The following ABRACL variants were observed in gnomAD, a reference collection of about 807,000 sequenced individuals.
ABRACL encodes the protein costars family protein ABRACL.
ABRACL carries 4 observed loss-of-function variants against 7.0 expected under a neutral mutation model. The ratio of observed to expected loss-of-function variants is 0.57; its 90% CI spans 0.28 to 1.30. The LOEUF is 1.30. Ranked by LOEUF, ABRACL falls within the 50% of genes most tolerant of loss-of-function variation. The pLI is 0.10. For missense variants in ABRACL, 104 were observed against 97.3 expected (o/e 1.07, Z -0.29); for synonymous variants, 30 against 36.0 (o/e 0.83, Z 0.60).
At chr6:139,031,326 G>A (rs938065930) in intron 1 of ABRACL, among the ~76,000 whole-genome samples, 1 of 152,082 alleles carries the variant, frequency 6.6e-6, no homozygotes, top group South Asian at 2.1e-4. Context: ...TCTCAAATCT[G>A]CCTTTCTATT....
chr6:139,029,477 C>T (rs577555512), intron 1 of ABRACL, among the ~76,000 whole-genome samples: 1 of 151,964 alleles, frequency 6.6e-6, no homozygotes, highest in Non-Finnish European at 1.5e-5. Context: ...ACCCGCGGCG[C>T]CGGGCCGGGA....
At chr6:139,033,234 G>T (rs1786107478) in intron 1 of ABRACL, among the ~76,000 whole-genome samples, 1 of 152,228 alleles carries the variant, frequency 6.6e-6, no homozygotes, top group Non-Finnish European at 1.5e-5. Context: ...GGTGGAAGAG[G>T]CTGGAACAGT....
At chr6:139,041,430 T>C (rs986174602) in intron 2 of ABRACL, among the ~76,000 whole-genome samples, 10 of 43,690 alleles carry the variant, frequency 2.3e-4, no homozygotes, top group Non-Finnish European at 4.6e-4. Context: ...GACCCATCTC[T>C]CTCTCTCTCT....
At chr6:139,039,931 A>G (rs1786219635) in intron 2 of ABRACL, among the ~76,000 whole-genome samples, 1 of 152,076 alleles carries the variant, frequency 6.6e-6, no homozygotes, top group Non-Finnish European at 1.5e-5. Context: ...TTTATTAAAA[A>G]TAAAGATAAA....
chr6:139,032,087 A>C (rs1786089924), intron 1 of ABRACL, among the ~76,000 whole-genome samples: 1 of 151,608 alleles, frequency 6.6e-6, no homozygotes, highest in South Asian at 2.1e-4. Context: ...CAGCCTCCCG[A>C]GTAGCTGGGA....
intron 1 of ABRACL, among the ~76,000 whole-genome samples, chr6:139,033,682 C>T (rs1487488273): frequency 6.6e-6 from 1 of 152,204 alleles, no homozygotes; most frequent in East Asian, 1.9e-4. Context: ...CTGCTTCCTC[C>T]TTTGTGCTTC....
Position 139,042,908 on chromosome 6 carries a change from G to A in ABRACL, c.*5G>A. 2 of 1,597,656 alleles carry A rather than the reference G, an allele frequency of 1.3e-6. No individual in the cohort carries two copies. Among genetic ancestry groups the A allele is most frequent in the Non-Finnish European group, 1.7e-6 (2 of 1,172,196 alleles). On this transcript the variant is annotated 3_prime_UTR_variant, in exon 3 of 3. Coordinates refer to ENST00000367660, the MANE Select transcript of ABRACL (RefSeq NM_021243.3). ...ATTATATTACTGCAAGATTAATGTG[G>A]TTTACATATCTTTATGTACTGCCAT...
At chr6:139,035,798 T>G (rs968920610) in intron 2 of ABRACL, among the ~76,000 whole-genome samples, 1 of 150,638 alleles carries the variant, frequency 6.6e-6, no homozygotes, top group Non-Finnish European at 1.5e-5. Context: ...TCTTGTATTT[T>G]TATTAGAGAT....
chr6:139,035,974 T>C (rs543711446), intron 2 of ABRACL, among the ~76,000 whole-genome samples: 10 of 150,126 alleles, frequency 6.7e-5, no homozygotes, highest in Admixed American at 2.0e-4. Flanking sequence ...CATGCTGGCA[T>C]GTGCCTGTAA....
chr6:139,034,156 C>A lies in ABRACL; in HGVS notation c.-5C>A, dbSNP rs202053430. The A allele has an allele frequency of 9.3e-6, 15 of 1,614,210 alleles. No homozygotes were observed. The South Asian group carries it at 1.6e-4, about 18-fold the overall frequency. ...AGACTTCCTTTTTTTCTCTCCCAGGCAGCAATGAATGTGGATCACGAGGTT... is the reference window on the plus strand; with the variant it reads ...AGACTTCCTTTTTTTCTCTCCCAGGAAGCAATGAATGTGGATCACGAGGTT... On this transcript the variant is annotated splice_region_variant and 5_prime_UTR_variant, in exon 2 of 3. Transcript: ENST00000367660.
chr6:139,038,006 G>A (rs1218959290), intron 2 of ABRACL, among the ~76,000 whole-genome samples: 1 of 151,902 alleles, frequency 6.6e-6, no homozygotes, highest in Non-Finnish European at 1.5e-5. Context: ...CGAACTCCTG[G>A]CCTCATGTGA....
At chr6:139,034,855 T>A (rs1786130491) in intron 2 of ABRACL, among the ~76,000 whole-genome samples, 1 of 152,216 alleles carries the variant, frequency 6.6e-6, no homozygotes, top group Admixed American at 6.5e-5. Context: ...GTAGTGTTAG[T>A]GTCTTCTTCC....
chr6:139,037,902 G>C (rs1275113944), intron 2 of ABRACL, among the ~76,000 whole-genome samples: 1 of 151,308 alleles, frequency 6.6e-6, no homozygotes. Flanking sequence ...TCAGCCTCCT[G>C]AGTAGCTGGG....
chr6:139,041,557 G>T (rs1786254426), intron 2 of ABRACL, among the ~76,000 whole-genome samples: 1 of 134,102 alleles, frequency 7.5e-6, no homozygotes, highest in Non-Finnish European at 1.5e-5. Context: ...GACATGGTCT[G>T]ACTATGTTGC....
At chr6:139,034,306 G>T (rs770352611) in intron 2 of ABRACL, 85 bp downstream of exon 2, 1 of 1,610,766 alleles carries the variant, frequency 6.2e-7, no homozygotes, top group Non-Finnish European at 8.5e-7. Context: ...CCTATGAAGG[G>T]GTCACCCAGG....
At chr6:139,039,502 AT>A (rs1284623065) in intron 2 of ABRACL, among the ~76,000 whole-genome samples, 1 of 152,228 alleles carries the variant, frequency 6.6e-6, no homozygotes, top group African/African-American at 2.4e-5. Flanking sequence ...AAGAAGAGCT[AT>A]TCACTCAACT....
In ABRACL at chr6:139,033,364, C is replaced by T. The variant is rs1310885923; in HGVS notation, c.-6-791C>T. 7.2e-5 allele frequency among the ~76,000 whole-genome samples: 11 copies of T among 152,330 alleles called. No homozygotes were observed. In the South Asian group the frequency reaches 2.3e-3, roughly 32 times the overall value. On this transcript the variant is annotated intron_variant, in intron 1 of 2. Coordinates refer to ENST00000367660, the MANE Select transcript of ABRACL (RefSeq NM_021243.3). ...TTCACCGTGAGCTATTTATTGCAAT[C>T]GGATTTACTGGGCACTGCCCAGAGA...
intron 2 of ABRACL, 136 bp from the exon 3 acceptor site, chr6:139,042,583 T>C: frequency 5.3e-6 from 4 of 757,134 alleles, no homozygotes; most frequent in Non-Finnish European, 8.6e-6. Flanking sequence ...ATATGTTGAA[T>C]TTATGACTGT....
At chr6:139,035,087 A>C (rs1786134122) in intron 2 of ABRACL, among the ~76,000 whole-genome samples, 1 of 152,238 alleles carries the variant, frequency 6.6e-6, no homozygotes. Flanking sequence ...GTGTCATTAT[A>C]GTTTGATTCT....
Sources: allele counts gnomAD v4.1 joint callset (sites outside exome capture counted in the v4.1 genomes callset), GRCh38; gene constraint gnomAD v4.1.1; transcripts MANE v1.5; gene names NCBI Gene and HGNC (gene_info 2026-07-23, HGNC 2026-07-21).